GCNT2: variants seen among roughly 807,000 people sequenced by gnomAD.
The protein encoded by GCNT2 is glucosaminyl (N-acetyl) transferase 2 (I blood group), also known as N-acetyllactosaminide beta-1,6-N-acetylglucosaminyl-transferase.
A neutral mutation model predicts 34.2 loss-of-function variants in GCNT2; 34 were observed. That is an observed-to-expected ratio of 1.00 (90% CI 0.76 to 1.32). GCNT2 has a LOEUF of 1.32. GCNT2 is among the 40% of genes most tolerant of loss of function. GCNT2 has a pLI of 0.00. For synonymous variants in GCNT2, 212 were observed against 188.0 expected (o/e 1.13, Z -1.04); for missense variants, 584 against 489.4 (o/e 1.19, Z -1.82).
chr6:10,601,526 A>G (rs1765085279), intron 3 of GCNT2, among the ~76,000 whole-genome samples: 1 of 151,562 alleles, frequency 6.6e-6, no homozygotes, highest in South Asian at 2.1e-4. Flanking sequence ...TACAGGAAAA[A>G]CTCTGCTTAG....
intron 3 of GCNT2, among the ~76,000 whole-genome samples, chr6:10,596,033 C>T (rs1232661074): frequency 6.6e-6 from 1 of 152,160 alleles, no homozygotes; most frequent in Non-Finnish European, 1.5e-5. Context: ...TTCTGATATT[C>T]CAGACTAAGG....
At chr6:10,610,016 T>C (rs186000247) in intron 3 of GCNT2, among the ~76,000 whole-genome samples, 1 of 152,266 alleles carries the variant, frequency 6.6e-6, no homozygotes, top group East Asian at 1.9e-4. Context: ...AGCCATCTGG[T>C]GGTATTGACT....
Position 10,528,494 on chromosome 6 carries a change from C to T in GCNT2, c.-281-137C>T, listed in dbSNP as rs570315635. ...GGGGACATAGTTACTAGACTCTGGC[C>T]GGGACAAGAGGCTGAGGTTAAGGTC... On this transcript the variant is annotated intron_variant, in intron 2 of 4. Coordinates refer to ENST00000495262, the MANE Select transcript of GCNT2 (RefSeq NM_145649.5). The T allele has an allele frequency of 2.8e-5, 7 of 248,786 alleles. No individual in the cohort carries two copies. In the East Asian group the frequency reaches 2.9e-4, roughly 10 times the overall value. 15.4% of individuals were successfully genotyped at this position (248,786 alleles called of 1,614,324 possible).
chr6:10,545,932 AGTT>A (rs1450250748), intron 3 of GCNT2, among the ~76,000 whole-genome samples: 1 of 152,172 alleles, frequency 6.6e-6, no homozygotes, highest in African/African-American at 2.4e-5. Context: ...AGAAACCTGG[AGTT>A]GTTCCAAAGG....
chr6:10,600,760 T>TTTTA (rs201018706), intron 3 of GCNT2, among the ~76,000 whole-genome samples: 1,658 of 152,062 alleles, frequency 0.011, 27 homozygotes, highest in African/African-American at 0.034. Context: ...GCAGTTTTAT[T>TTTTA]TTTATTTATT....
chr6:10,600,988 C>T (rs1219153538), intron 3 of GCNT2, among the ~76,000 whole-genome samples: 18 of 152,032 alleles, frequency 1.2e-4, no homozygotes, highest in Admixed American at 6.6e-4. Context: ...GATGGGGTTT[C>T]GCCATTTTGC....
chr6:10,628,506 A>G lies in GCNT2; in HGVS notation c.*1899A>G, dbSNP rs1041364489. ...AGGAACTCTTGAAGGCCACATGTGA[A>G]AACCTGTCACTTGCACAGAGGCCAG... On this transcript the variant is annotated 3_prime_UTR_variant, in exon 5 of 5. Coordinates refer to ENST00000495262, the MANE Select transcript of GCNT2 (RefSeq NM_145649.5). 6.6e-6 allele frequency: 1 copy of G among 152,228 alleles called. No individual in the cohort carries two copies. Among genetic ancestry groups the G allele is most frequent in the Non-Finnish European group, 1.5e-5 (1 of 68,046 alleles). 9.4% of individuals were successfully genotyped at this position (152,228 alleles called of 1,614,324 possible).
chr6:10,587,586 T>C (rs1285504218), intron 3 of GCNT2, among the ~76,000 whole-genome samples: 1 of 152,152 alleles, frequency 6.6e-6, no homozygotes, highest in Non-Finnish European at 1.5e-5. Context: ...AAGTCATAGG[T>C]TTTTATTGGA....
chr6:10,618,463 G>A (rs1257420121), intron 3 of GCNT2, among the ~76,000 whole-genome samples: 1 of 152,174 alleles, frequency 6.6e-6, no homozygotes, highest in Non-Finnish European at 1.5e-5. Context: ...GGGATTATCA[G>A]TATTAAAGAG....
intron 3 of GCNT2, among the ~76,000 whole-genome samples, chr6:10,609,255 GT>G (rs1765451449): frequency 6.6e-6 from 1 of 152,228 alleles, no homozygotes; most frequent in Non-Finnish European, 1.5e-5. Context: ...GAGCACAGCA[GT>G]GGCATCTGGT....
Position 10,529,768 on chromosome 6 carries a change from T to TA in GCNT2, c.858dup (p.Leu287ThrfsTer44). The TA allele has an allele frequency of 6.2e-7, 1 of 1,614,170 alleles. No individual in the cohort carries two copies. The highest frequency in any genetic ancestry group is 8.5e-7 in the Non-Finnish European group (1 of 1,179,990). On this transcript the variant is annotated frameshift_variant, in exon 3 of 5. Transcript: ENST00000495262. LOFTEE classifies it high-confidence loss of function. ...CTCCAAGACCAGCTCGCACTTGACT[T>TA]ACTCTCCTGGTCCAAGGACACCTAC...
intron 3 of GCNT2, among the ~76,000 whole-genome samples, chr6:10,591,160 T>C (rs1764624497): frequency 6.6e-6 from 1 of 152,200 alleles, no homozygotes; most frequent in Admixed American, 6.5e-5. Context: ...TCCTTAAGCA[T>C]AAGAAAAGTG....
intron 3 of GCNT2, among the ~76,000 whole-genome samples, chr6:10,608,584 A>G (rs1281264453): frequency 1.3e-5 from 2 of 152,206 alleles, no homozygotes; most frequent in African/African-American, 4.8e-5. Context: ...CTGTAATCCT[A>G]GCCACTCAGG....
At chr6:10,551,948 G>A (rs1378245408) in intron 3 of GCNT2, among the ~76,000 whole-genome samples, 2 of 145,910 alleles carry the variant, frequency 1.4e-5, no homozygotes, top group Non-Finnish European at 3.0e-5. Flanking sequence ...AGTAGAGATG[G>A]GGGTTCCACC....
intron 3 of GCNT2, chr6:10,619,259 G>T (rs1765926938): frequency 6.6e-6 from 1 of 151,990 alleles, no homozygotes; most frequent in Admixed American, 6.6e-5. Flanking sequence ...CAAACTCACT[G>T]CAGCCTTTAG....
intron 3 of GCNT2, among the ~76,000 whole-genome samples, chr6:10,548,114 A>C (rs1762343491): frequency 6.6e-6 from 1 of 152,162 alleles, no homozygotes; most frequent in African/African-American, 2.4e-5. Flanking sequence ...AAAGATCAAA[A>C]TCTGGGAAGC....
intron 3 of GCNT2, among the ~76,000 whole-genome samples, chr6:10,580,716 C>G (rs968973237): frequency 6.6e-5 from 10 of 152,192 alleles, no homozygotes; most frequent in African/African-American, 2.4e-4. Flanking sequence ...CCTGCCCCTC[C>G]CCTGACCGGC....
chr6:10,556,371 A>G, intron 3 of GCNT2: 2 of 1,610,854 alleles, frequency 1.2e-6, no homozygotes, highest in Non-Finnish European at 1.7e-6. Flanking sequence ...TGAGTTTGGA[A>G]AAAAGACTTA....
intron 3 of GCNT2, among the ~76,000 whole-genome samples, chr6:10,560,032 T>G (rs891412888): frequency 1.3e-5 from 2 of 152,224 alleles, no homozygotes; most frequent in African/African-American, 4.8e-5. Context: ...CTTTGTGATT[T>G]AAGATTTGGC....
Sources: allele counts gnomAD v4.1 joint callset (sites outside exome capture counted in the v4.1 genomes callset), GRCh38; gene constraint gnomAD v4.1.1; transcripts MANE v1.5; gene names NCBI Gene and HGNC (gene_info 2026-07-23, HGNC 2026-07-21).